Variants in RSRC1 observed in about 807,000 individuals in gnomAD.
The protein encoded by RSRC1 is serine/Arginine-related protein 53.
A neutral mutation model predicts 49.1 loss-of-function variants in RSRC1; 39 were observed. The ratio of observed to expected loss-of-function variants is 0.79; its 90% CI spans 0.61 to 1.04. RSRC1 has a LOEUF of 1.04. Ranked by LOEUF, RSRC1 falls within the 50% of genes least tolerant of loss-of-function variation. RSRC1 has a pLI of 0.00. For synonymous variants in RSRC1, 143 were observed against 130.8 expected (o/e 1.09, Z -0.63); for missense variants, 388 against 402.4 (o/e 0.96, Z 0.31).
At position 158,544,663 on chromosome 3, in the gene RSRC1, C is replaced by G. The variant is rs1312269922; in HGVS notation, c.*388C>G. On this transcript the variant is annotated 3_prime_UTR_variant, in exon 10 of 10. Coordinates refer to ENST00000611884, the MANE Select transcript of RSRC1 (RefSeq NM_001271838.2). ...ACATGCTATAAATATGAGATTTCAT[C>G]TTCCGTATGGTATTCAACCATTTTT... is the stretch of plus-strand genomic sequence containing the variant. 1 of 154,120 alleles carries G rather than the reference C, an allele frequency of 6.5e-6. No homozygotes were observed. Among genetic ancestry groups the G allele is most frequent in the East Asian group, 1.9e-4 (1 of 5,286 alleles). The allele number at this position is 154,120 out of a possible 1,614,324, so 9.5% of individuals were successfully genotyped here.
chr3:158,478,395 G>C (rs1248342007), intron 7 of RSRC1, among the ~76,000 whole-genome samples: 1 of 151,786 alleles, frequency 6.6e-6, no homozygotes, highest in Admixed American at 6.6e-5. Flanking sequence ...AGAGATAGTA[G>C]AGAGTAAAAC....
chr3:158,267,337 G>C (rs969328571), intron 4 of RSRC1, among the ~76,000 whole-genome samples: 1 of 152,006 alleles, frequency 6.6e-6, no homozygotes, highest in Non-Finnish European at 1.5e-5. Flanking sequence ...TTCATGTTTA[G>C]CCAAACTGAA....
At chr3:158,125,989 T>G (rs762149918) in intron 3 of RSRC1, among the ~76,000 whole-genome samples, 5 of 152,154 alleles carry the variant, frequency 3.3e-5, no homozygotes, top group Admixed American at 6.5e-5. Context: ...TGACTTAAAG[T>G]CTATTTTGTC....
intron 5 of RSRC1, among the ~76,000 whole-genome samples, chr3:158,348,373 C>CA (rs1324879754): frequency 6.6e-6 from 1 of 151,956 alleles, no homozygotes; most frequent in Non-Finnish European, 1.5e-5. Context: ...ATGGGTGGCT[C>CA]AAAGGATTAT....
chr3:158,273,223 TA>T (rs1725619952), intron 4 of RSRC1, among the ~76,000 whole-genome samples: 1 of 152,068 alleles, frequency 6.6e-6, no homozygotes, highest in Admixed American at 6.6e-5. Context: ...TAGTTTTTAT[TA>T]TTGGAGGGTT....
At position 158,224,489 on chromosome 3, in the gene RSRC1, C is replaced by T. The variant is rs78266788; in HGVS notation, c.494+21244C>T. 8.8e-3 allele frequency among the ~76,000 whole-genome samples: 1,335 copies of T among 151,842 alleles called. 16 individuals carry two copies. The highest frequency in any genetic ancestry group is 0.031 in the African/African-American group (1,278 of 41,474). ...AACTTGATTTTTGTACTAACGGTAG[C>T]ACTTGAGTACTAAGGCTTATTTTTA... On this transcript the variant is annotated intron_variant, in intron 4 of 9. Coordinates refer to ENST00000611884, the MANE Select transcript of RSRC1 (RefSeq NM_001271838.2).
At chr3:158,469,150 A>G (rs908370569) in intron 7 of RSRC1, among the ~76,000 whole-genome samples, 1 of 152,154 alleles carries the variant, frequency 6.6e-6, no homozygotes, top group Non-Finnish European at 1.5e-5. Context: ...AGTTCTTGAT[A>G]ATGATAGTAA....
intron 6 of RSRC1, among the ~76,000 whole-genome samples, chr3:158,435,379 C>A (rs150146135): frequency 6.6e-6 from 1 of 151,360 alleles, no homozygotes; most frequent in East Asian, 2.0e-4. Context: ...ATAAAAAGTA[C>A]CTAATGTAAA....
intron 6 of RSRC1, among the ~76,000 whole-genome samples, chr3:158,435,664 T>C (rs1051495340): frequency 2.6e-5 from 4 of 151,726 alleles, no homozygotes; most frequent in Non-Finnish European, 4.4e-5. Flanking sequence ...ATATTTCTAA[T>C]TTTTAATATT....
At chr3:158,501,413 T>C (rs1013623984) in intron 7 of RSRC1, among the ~76,000 whole-genome samples, 2 of 152,220 alleles carry the variant, frequency 1.3e-5, no homozygotes, top group African/African-American at 4.8e-5. Flanking sequence ...AGTTTCTTTG[T>C]TGACTTTCTG....
chr3:158,173,828 A>G (rs1195331587), intron 3 of RSRC1, among the ~76,000 whole-genome samples: 1 of 152,026 alleles, frequency 6.6e-6, no homozygotes, highest in Non-Finnish European at 1.5e-5. Context: ...TTGAAAAATT[A>G]TGAGAAGTGA....
At chr3:158,433,257 G>A (rs1042499974) in intron 6 of RSRC1, among the ~76,000 whole-genome samples, 1 of 151,918 alleles carries the variant, frequency 6.6e-6, no homozygotes, top group African/African-American at 2.4e-5. Context: ...TTAGTCATCA[G>A]TATTTATATT....
At chr3:158,368,961 G>A (rs934612058) in intron 6 of RSRC1, among the ~76,000 whole-genome samples, 2 of 151,952 alleles carry the variant, frequency 1.3e-5, no homozygotes, top group African/African-American at 4.8e-5. Context: ...TTAATGTAAT[G>A]AAATGAAAAA....
At chr3:158,366,286 C>T (rs769826347) in intron 6 of RSRC1, among the ~76,000 whole-genome samples, 2 of 152,082 alleles carry the variant, frequency 1.3e-5, no homozygotes, top group East Asian at 1.9e-4. Flanking sequence ...GTAGGTCTTA[C>T]GTTTAAGTCT....
At chr3:158,376,524 G>A (rs562776661) in intron 6 of RSRC1, among the ~76,000 whole-genome samples, 1 of 152,090 alleles carries the variant, frequency 6.6e-6, no homozygotes, top group South Asian at 2.1e-4. Context: ...TCTCCTAGGT[G>A]CCTGTAGCTC....
intron 4 of RSRC1, among the ~76,000 whole-genome samples, chr3:158,285,130 G>A (rs1249625029): frequency 6.6e-6 from 1 of 152,100 alleles, no homozygotes. Context: ...AGTTTTCCCA[G>A]CACCATTTAT....
intron 6 of RSRC1, among the ~76,000 whole-genome samples, chr3:158,432,784 C>G (rs911930646): frequency 6.6e-6 from 1 of 151,796 alleles, no homozygotes; most frequent in Non-Finnish European, 1.5e-5. Flanking sequence ...GCATTATATC[C>G]TTTACATAAT....
Position 158,487,946 on chromosome 3 carries a change from C to CAAAAAAAAAAAAAAAAAAAAAAA in RSRC1, c.652+26945_652+26946insAAAAAAAAAAAAAAAAAAAAAAA, listed in dbSNP as rs1303656428. ...GCCTAGGAGACAAGAGACTCCATCT[C>CAAAAAAAAAAAAAAAAAAAAAAA]AAGAAAAAAAAAAAAAAAAAAAAAA... On this transcript the variant is annotated intron_variant, in intron 7 of 9. Transcript: ENST00000611884. Among the ~76,000 whole-genome samples the CAAAAAAAAAAAAAAAAAAAAAAA allele has an allele frequency of 3.1e-3, 35 of 11,460 alleles. 2 individuals are homozygous for CAAAAAAAAAAAAAAAAAAAAAAA. Among genetic ancestry groups the CAAAAAAAAAAAAAAAAAAAAAAA allele is most frequent in the Non-Finnish European group, 3.8e-3 (30 of 7,900 alleles). 7.5% of individuals were successfully genotyped at this position (11,460 alleles called of 152,430 possible).
At chr3:158,387,658 T>TA (rs1380372479) in intron 6 of RSRC1, among the ~76,000 whole-genome samples, 1 of 152,160 alleles carries the variant, frequency 6.6e-6, no homozygotes, top group Non-Finnish European at 1.5e-5. Context: ...TGTAAATCCT[T>TA]ACAAGTATTG....
Sources: allele counts gnomAD v4.1 joint callset (sites outside exome capture counted in the v4.1 genomes callset), GRCh38; gene constraint gnomAD v4.1.1; transcripts MANE v1.5; gene names NCBI Gene and HGNC (gene_info 2026-07-23, HGNC 2026-07-21).